BMP2K: variants seen among roughly 807,000 people sequenced by gnomAD.
BMP2K encodes BMP2 inducible kinase, also known as BMP-2-inducible protein kinase.
In BMP2K, 74 loss-of-function variants were observed where a neutral mutation model predicts 116.0. The observed-to-expected ratio is 0.64, with a 90% CI of 0.53 to 0.77. The LOEUF (loss-of-function observed/expected upper bound fraction) is 0.77, where lower values mean the gene tolerates loss of function less well. BMP2K is among the 30% of genes least tolerant of loss of function. BMP2K has a pLI of 0.00. For synonymous variants in BMP2K, 486 were observed against 502.5 expected (o/e 0.97, Z 0.44); for missense variants, 1,365 against 1,403.6 (o/e 0.97, Z 0.44).
chr4:78,787,779 T>A (rs1205808074), intron 1 of BMP2K, among the ~76,000 whole-genome samples: 1 of 152,172 alleles, frequency 6.6e-6, no homozygotes, highest in Non-Finnish European at 1.5e-5. Context: ...GCTTTTAGAT[T>A]AGGAAATTTG....
chr4:78,811,813 A>G lies in BMP2K; in HGVS notation c.179-14224A>G, dbSNP rs572200603. On this transcript the variant is annotated intron_variant, in intron 1 of 15. Transcript: ENST00000502613. ...ACACAGCTTAATTTGTTGACCCATC[A>G]TGTATTGGCTTACAAAAACCCATAT... 5.9e-5 allele frequency among the ~76,000 whole-genome samples: 9 copies of G among 152,266 alleles called. No homozygotes were observed. The South Asian group carries it at 1.7e-3, about 28-fold the overall frequency.
In BMP2K at chr4:78,808,339, C is replaced by T. The variant is rs144165339; in HGVS notation, c.179-17698C>T. ...GGAGTGCAGTGATGTGATCTCGGCT[C>T]ACTGCAAGCTTCACCTCCTGGGTTC... On this transcript the variant is annotated intron_variant, in intron 1 of 15. Coordinates refer to ENST00000502613, the MANE Select transcript of BMP2K (RefSeq NM_198892.2). Among the ~76,000 whole-genome samples, 609 of 149,724 alleles carry T rather than the reference C, an allele frequency of 4.1e-3. 3 individuals are homozygous for T. Among genetic ancestry groups the T allele is most frequent in the African/African-American group, 0.014 (582 of 40,604 alleles).
intron 3 of BMP2K, among the ~76,000 whole-genome samples, chr4:78,836,772 G>T (rs1252028929): frequency 6.6e-6 from 1 of 152,156 alleles, no homozygotes; most frequent in Non-Finnish European, 1.5e-5. Flanking sequence ...AACATTATAG[G>T]TTGGAAATAA....
chr4:78,779,079 C>T (rs546758901), intron 1 of BMP2K, among the ~76,000 whole-genome samples: 1 of 152,060 alleles, frequency 6.6e-6, no homozygotes, highest in Middle Eastern at 3.2e-3. Flanking sequence ...TAAATCCGTC[C>T]GTCTCTCTGT....
chr4:78,833,607 T>C lies in BMP2K; in HGVS notation c.323T>C (p.Ile108Thr). The change falls in exon 3 of 16, where the codon ATT (isoleucine) becomes ACT (threonine). Residue 108 changes from isoleucine to threonine, a missense_variant. Coordinates refer to ENST00000502613, the MANE Select transcript of BMP2K (RefSeq NM_198892.2). ...IMKELSGHKN[I>T]VGYLDCAVNS... ...AAAGAGCTATCTGGTCACAAAAATA[T>C]TGTGGGCTATTTGGACTGTGCTGTT... The C allele has an allele frequency of 6.3e-7, 1 of 1,599,024 alleles. No homozygotes were observed. Among genetic ancestry groups the C allele is most frequent in the South Asian group, 1.2e-5 (1 of 86,900 alleles).
chr4:78,776,635 G>A lies in BMP2K; in HGVS notation c.92G>A (p.Gly31Asp), dbSNP rs919301565. The change falls in exon 1 of 16, where the codon GGC becomes GAC. Residue 31 changes from glycine (G) to aspartate (D), a missense_variant. Gly to Asp is a moderately conservative substitution (Grantham distance 94). Coordinates refer to ENST00000502613, the MANE Select transcript of BMP2K (RefSeq NM_198892.2). Reference sequence around the variant, plus strand: ...GCTGGCGGGGCCGGGGCCGGGGCCGGCTGCGGCTCCGGCGGCTCGTCCGTG... The same window carrying A: ...GCTGGCGGGGCCGGGGCCGGGGCCGACTGCGGCTCCGGCGGCTCGTCCGTG... ...GGAGGAGAGA[G>D]CGSGGSSVGV... 1.6e-6 allele frequency: 2 copies of A among 1,216,156 alleles called. No homozygotes were observed. The highest frequency in any genetic ancestry group is 2.1e-6 in the Non-Finnish European group (2 of 974,232). The allele number at this position is 1,216,156 out of a possible 1,614,324, so 75.3% of individuals were successfully genotyped here. A position where few individuals can be genotyped will look rare whatever the true frequency, so the allele number is the denominator to read the frequency against.
intron 4 of BMP2K, among the ~76,000 whole-genome samples, chr4:78,843,305 C>T (rs899784736): frequency 2.0e-5 from 3 of 151,910 alleles, no homozygotes; most frequent in Admixed American, 1.3e-4. Context: ...TAACCTGCTG[C>T]ACCTTTTATT....
chr4:78,799,992 C>T (rs1286766880), intron 1 of BMP2K, among the ~76,000 whole-genome samples: 5 of 152,118 alleles, frequency 3.3e-5, no homozygotes, highest in Admixed American at 1.3e-4. Context: ...CAGGATATGC[C>T]GTACTCTGAC....
chr4:78,825,941 T>C lies in BMP2K; in HGVS notation c.179-96T>C. On this transcript the variant is annotated intron_variant, in intron 1 of 15. Transcript: ENST00000502613. ...CTTGTTTTTGTCTTGGGTACAATCA[T>C]TGTTTATTTTCCTCCAATATGCTCT... 9 of 927,244 alleles carry C rather than the reference T, an allele frequency of 9.7e-6. No individual in the cohort carries two copies. In the South Asian group the frequency reaches 1.2e-4, roughly 13 times the overall value. 57.4% of individuals were successfully genotyped at this position (927,244 alleles called of 1,614,324 possible).
intron 13 of BMP2K, 84 bp downstream of exon 13, chr4:78,872,882 A>C: frequency 7.2e-7 from 1 of 1,384,564 alleles, no homozygotes; most frequent in South Asian, 1.3e-5. Context: ...AGTTCTCTTA[A>C]ATTAGTTTAG....
At position 78,811,488 on chromosome 4, in the gene BMP2K, T is replaced by C. The variant is rs150865422; in HGVS notation, c.179-14549T>C. Reference sequence around the variant, plus strand: ...AAGTCTATCTTATTAGAATTTCACATGTATGCATATGCAGGTAAGACCATG... The same window carrying C: ...AAGTCTATCTTATTAGAATTTCACACGTATGCATATGCAGGTAAGACCATG... On this transcript the variant is annotated intron_variant, in intron 1 of 15. Transcript: ENST00000502613. Among the ~76,000 whole-genome samples, 14 of 152,358 alleles carry C rather than the reference T, an allele frequency of 9.2e-5. No homozygotes were observed. The East Asian group carries it at 2.5e-3, about 27-fold the overall frequency.
rs189366602 is a variant in BMP2K, at chr4:78,878,571, T to C, written c.1794-163T>C. On this transcript the variant is annotated intron_variant, in intron 13 of 15. Coordinates refer to ENST00000502613, the MANE Select transcript of BMP2K (RefSeq NM_198892.2). ...CCTTATGGAGGTGATCTAGATCCCATATGTTCTCCCTCTCCATCTCATGCC... is the reference window on the plus strand; with the variant it reads ...CCTTATGGAGGTGATCTAGATCCCACATGTTCTCCCTCTCCATCTCATGCC... 7.7e-4 allele frequency among the ~76,000 whole-genome samples: 117 copies of C among 152,332 alleles called. 1 individual carries two copies. Among genetic ancestry groups the C allele is most frequent in the African/African-American group, 2.5e-3 (106 of 41,576 alleles).
intron 1 of BMP2K, among the ~76,000 whole-genome samples, chr4:78,787,545 T>TGG (rs1727787958): frequency 6.6e-6 from 1 of 152,092 alleles, no homozygotes; most frequent in African/African-American, 2.4e-5. Context: ...AAAACAGTTT[T>TGG]GGGGGTGGTC....
chr4:78,908,914 C>T (rs984247130), intron 15 of BMP2K, among the ~76,000 whole-genome samples: 1 of 152,068 alleles, frequency 6.6e-6, no homozygotes, highest in Non-Finnish European at 1.5e-5. Context: ...GTGCTGCCAT[C>T]CACCAAGAGT....
chr4:78,822,743 G>C (rs893407211), intron 1 of BMP2K, among the ~76,000 whole-genome samples: 1 of 152,100 alleles, frequency 6.6e-6, no homozygotes, highest in African/African-American at 2.4e-5. Context: ...TATGATTTGT[G>C]TACAGAAATT....
chr4:78,850,902 T>C (rs925821098), intron 6 of BMP2K, 22 bp from the exon 7 acceptor site: 4 of 1,608,576 alleles, frequency 2.5e-6, no homozygotes, highest in Non-Finnish European at 3.4e-6. Flanking sequence ...TCTAATGATA[T>C]TTATGCTTCT....
chr4:78,845,277 T>C (rs1730945117), intron 5 of BMP2K, among the ~76,000 whole-genome samples: 2 of 151,672 alleles, frequency 1.3e-5, no homozygotes, highest in South Asian at 4.1e-4. Flanking sequence ...TTGTAAAATT[T>C]GTTAAATAAG....
At chr4:78,843,076 T>C (rs998502470) in intron 4 of BMP2K, among the ~76,000 whole-genome samples, 3 of 151,980 alleles carry the variant, frequency 2.0e-5, no homozygotes, top group Admixed American at 6.6e-5. Flanking sequence ...ACTTGTTACA[T>C]TGAAAAAAGT....
At position 78,869,626 on chromosome 4, in the gene BMP2K, C is replaced by G. The variant is rs181611187; in HGVS notation, c.1232-1157C>G. Among the ~76,000 whole-genome samples the G allele has an allele frequency of 1.4e-4, 22 of 152,188 alleles. No individual in the cohort carries two copies. The East Asian group carries it at 4.2e-3, about 29-fold the overall frequency. On this transcript the variant is annotated intron_variant, in intron 10 of 15. Transcript: ENST00000502613. The stretch of plus-strand genomic sequence containing the variant: ...ATATGTATCAAAACATCAATATGTA[C>G]TCCATGAATATGTACAATTATTATT...
Sources: allele counts gnomAD v4.1 joint callset (sites outside exome capture counted in the v4.1 genomes callset), GRCh38; gene constraint gnomAD v4.1.1; transcripts MANE v1.5; gene names NCBI Gene and HGNC (gene_info 2026-07-23, HGNC 2026-07-21).